EREG: variants seen among roughly 807,000 people sequenced by gnomAD.
The protein encoded by EREG is proepiregulin.
Under a neutral mutation model 22.4 loss-of-function variants are expected in EREG, and 23 were observed. That is an observed-to-expected ratio of 1.03 (90% CI 0.74 to 1.46). EREG has a LOEUF of 1.46. Among genes scored for constraint, EREG ranks in the 40% most tolerant of loss-of-function variants. EREG has a pLI of 0.00. For missense variants in EREG, 226 were observed against 205.9 expected, an observed-to-expected ratio of 1.10 and a Z score of -0.60; for synonymous variants, 100 against 75.4, an observed-to-expected ratio of 1.33 and a Z score of -1.69.
intron 4 of EREG, 127 bp downstream of exon 4, chr4:74,382,921 C>A: frequency 1.4e-6 from 1 of 696,488 alleles, no homozygotes; most frequent in Non-Finnish European, 2.3e-6. Context: ...ATGATATTTA[C>A]AAGAGTTGAG....
chr4:74,379,718 A>G (rs912559510), intron 2 of EREG, among the ~76,000 whole-genome samples, 184 bp downstream of exon 2: 9 of 152,232 alleles, frequency 5.9e-5, no homozygotes, highest in Non-Finnish European at 1.2e-4. Flanking sequence ...AACTGGTAGG[A>G]GAGGGACCGG....
In EREG at chr4:74,387,346, T is replaced by C. The variant is rs1353489649; in HGVS notation, c.*2538T>C. 1 of 152,154 alleles carries C rather than the reference T, an allele frequency of 6.6e-6. No homozygotes were observed. The highest frequency in any genetic ancestry group is 2.4e-5 in the African/African-American group (1 of 41,430). 9.4% of individuals were successfully genotyped at this position (152,154 alleles called of 1,614,324 possible). A position where few individuals can be genotyped will look rare whatever the true frequency, so the allele number is the denominator to read the frequency against. On this transcript the variant is annotated 3_prime_UTR_variant, in exon 5 of 5. Transcript: ENST00000244869. ...GGCTGTTTCAAAAAAATCTATTGAC[T>C]TTTCAATAAATCAGCTGCAATCCAT...
intron 1 of EREG, among the ~76,000 whole-genome samples, chr4:74,371,076 T>C (rs556356744): frequency 1.3e-5 from 2 of 152,226 alleles, no homozygotes; most frequent in African/African-American, 4.8e-5. Context: ...CATCATAGTC[T>C]CCAGACATTA....
intron 1 of EREG, among the ~76,000 whole-genome samples, chr4:74,378,147 T>G (rs1307379511): frequency 3.3e-5 from 5 of 152,220 alleles, no homozygotes; most frequent in Admixed American, 3.3e-4. Flanking sequence ...TTACAGAAAC[T>G]GGATTCTCAG....
At chr4:74,366,175 A>C (rs1752178224) in intron 1 of EREG, among the ~76,000 whole-genome samples, 1 of 152,176 alleles carries the variant, frequency 6.6e-6, no homozygotes, top group Admixed American at 6.5e-5. Context: ...TTCTGTTAAA[A>C]AAAAATTACT....
At position 74,381,227 on chromosome 4, in the gene EREG, C is replaced by T. The variant is rs2110388823; in HGVS notation, c.278+90C>T. The T allele has an allele frequency of 2.6e-6, 3 of 1,139,016 alleles. No individual in the cohort carries two copies. In the East Asian group the frequency reaches 7.2e-5, roughly 27 times the overall value. The allele number at this position is 1,139,016 out of a possible 1,614,324, so 70.6% of individuals were successfully genotyped here. On this transcript the variant is annotated intron_variant, in intron 3 of 4. Transcript: ENST00000244869. The stretch of plus-strand genomic sequence containing the variant: ...GTGCAGATTTGCTAGTGGATATATT[C>T]AGTAGTGGTGAAGTCTGAGCTTTTA...
At chr4:74,366,468 T>C (rs1358551837) in intron 1 of EREG, among the ~76,000 whole-genome samples, 3 of 152,160 alleles carry the variant, frequency 2.0e-5, no homozygotes, top group Non-Finnish European at 2.9e-5. Context: ...GGAAACTAGA[T>C]ATGTGGTTTC....
At chr4:74,369,433 G>A (rs2110383302) in intron 1 of EREG, among the ~76,000 whole-genome samples, 1 of 152,152 alleles carries the variant, frequency 6.6e-6, no homozygotes, top group Non-Finnish European at 1.5e-5. Context: ...AGAACATATG[G>A]TTTTTTGGTT....
intron 1 of EREG, among the ~76,000 whole-genome samples, chr4:74,365,948 G>T (rs1752172951): frequency 6.6e-6 from 1 of 152,148 alleles, no homozygotes; most frequent in Non-Finnish European, 1.5e-5. Flanking sequence ...ATCTGGAGCA[G>T]AAGGGCCCTG....
rs369849525 is a variant in EREG, at chr4:74,365,380, G to A, written c.67+5G>A. ...CTGCGCTGCTGCTCTGCCTGGGTAAGTTCTCCCCCTCTGGCTTCCGGCCGC... is the reference window on the plus strand; with the variant it reads ...CTGCGCTGCTGCTCTGCCTGGGTAAATTCTCCCCCTCTGGCTTCCGGCCGC... On this transcript the variant is annotated splice_donor_5th_base_variant and intron_variant, in intron 1 of 4. Coordinates refer to ENST00000244869, the MANE Select transcript of EREG (RefSeq NM_001432.3). 216 of 1,611,954 alleles carry A rather than the reference G, an allele frequency of 1.3e-4. 1 individual carries two copies. The African/African-American group carries it at 2.5e-3, about 19-fold the overall frequency.
At position 74,379,542 on chromosome 4, in the gene EREG, C is replaced by T. The variant is rs746275124; in HGVS notation, c.154+8C>T. ...ATAACTGCACAGCTTTAGGTAAGCC[C>T]AAGTTTGTCAATGTGGCATCAAGAG... On this transcript the variant is annotated splice_region_variant and intron_variant, in intron 2 of 4. Coordinates refer to ENST00000244869, the MANE Select transcript of EREG (RefSeq NM_001432.3). 1.3e-6 allele frequency: 2 copies of T among 1,530,650 alleles called. No individual in the cohort carries two copies. Among genetic ancestry groups the T allele is most frequent in the South Asian group, 2.3e-5 (2 of 88,874 alleles). The allele number at this position is 1,530,650 out of a possible 1,614,324, so 94.8% of individuals were successfully genotyped here.
At chr4:74,383,372 T>G (rs1429634472) in intron 4 of EREG, among the ~76,000 whole-genome samples, 1 of 152,182 alleles carries the variant, frequency 6.6e-6, no homozygotes, top group Non-Finnish European at 1.5e-5. Flanking sequence ...CTTAGAAGCT[T>G]GGGTTATCTT....
chr4:74,376,317 G>C (rs1010349164), intron 1 of EREG, among the ~76,000 whole-genome samples: 1 of 152,172 alleles, frequency 6.6e-6, no homozygotes, highest in Admixed American at 6.5e-5. Flanking sequence ...TTCCTGGAGG[G>C]AGAATTGGTA....
chr4:74,379,618 T>C (rs750427842), intron 2 of EREG, 84 bp downstream of exon 2: 14 of 817,126 alleles, frequency 1.7e-5, no homozygotes, highest in Admixed American at 1.3e-4. Context: ...AAGTATGTGA[T>C]AATTTTTTAA....
chr4:74,373,303 G>C (rs1201495631), intron 1 of EREG, among the ~76,000 whole-genome samples: 2 of 151,902 alleles, frequency 1.3e-5, no homozygotes, highest in Non-Finnish European at 2.9e-5. Flanking sequence ...ATTTAGAAAT[G>C]ACTACCTAAA....
chr4:74,375,975 G>A (rs998435734), intron 1 of EREG, among the ~76,000 whole-genome samples: 1 of 152,178 alleles, frequency 6.6e-6, no homozygotes, highest in East Asian at 1.9e-4. Flanking sequence ...TATCCTGAGC[G>A]ATGGACTGTG....
In EREG at chr4:74,386,076, C is replaced by A. The variant is rs1230597294; in HGVS notation, c.*1268C>A. ...TATTTTTTGGAAGAGACAAAGATTT[C>A]TTCTGCACTCTGAGCCCATAGGTCT... On this transcript the variant is annotated 3_prime_UTR_variant, in exon 5 of 5. Transcript: ENST00000244869. 7 of 335,634 alleles carry A rather than the reference C, an allele frequency of 2.1e-5. No homozygotes were observed. The highest frequency in any genetic ancestry group is 4.2e-5 in the East Asian group (1 of 24,058). 20.8% of individuals were successfully genotyped at this position (335,634 alleles called of 1,614,324 possible). A position where few individuals can be genotyped will look rare whatever the true frequency, so the allele number is the denominator to read the frequency against.
rs1156686460 is a variant in EREG, at chr4:74,388,013, G to A, written c.*3205G>A. ...TCTAATCTCTCTGCCGAAAGTCAAA[G>A]TGATGGGAGAATTGGTATACTGGTA... On this transcript the variant is annotated 3_prime_UTR_variant, in exon 5 of 5. Coordinates refer to ENST00000244869, the MANE Select transcript of EREG (RefSeq NM_001432.3). 1 of 152,136 alleles carries A rather than the reference G, an allele frequency of 6.6e-6. No individual in the cohort carries two copies. Among genetic ancestry groups the A allele is most frequent in the Admixed American group, 6.5e-5 (1 of 15,276 alleles). The allele number at this position is 152,136 out of a possible 1,614,324, so 9.4% of individuals were successfully genotyped here. A position where few individuals can be genotyped will look rare whatever the true frequency, so the allele number is the denominator to read the frequency against.
rs1304886692 is a variant in EREG, at chr4:74,385,370, C to T, written c.*562C>T. ...TTGAAACAAGCTAACCCTGGGGAGT[C>T]TATGGTCTCTTCACTCAGGTCTCAG... On this transcript the variant is annotated 3_prime_UTR_variant, in exon 5 of 5. Coordinates refer to ENST00000244869, the MANE Select transcript of EREG (RefSeq NM_001432.3). The T allele has an allele frequency of 6.5e-6, 1 of 152,814 alleles. No homozygotes were observed. Among genetic ancestry groups the T allele is most frequent in the Non-Finnish European group, 1.5e-5 (1 of 68,534 alleles). 9.5% of individuals were successfully genotyped at this position (152,814 alleles called of 1,614,324 possible).
Sources: allele counts gnomAD v4.1 joint callset (sites outside exome capture counted in the v4.1 genomes callset), GRCh38; gene constraint gnomAD v4.1.1; transcripts MANE v1.5; gene names NCBI Gene and HGNC (gene_info 2026-07-23, HGNC 2026-07-21).